SLC35H1: variants seen among roughly 807,000 people sequenced by gnomAD.
The protein encoded by SLC35H1 is ovarian cancer-overexpressed gene 1 protein.
the SLC35H1 span, chr20:46,358,402 G>A: frequency 3.1e-6 from 5 of 1,613,980 alleles, no homozygotes; most frequent in South Asian, 3.3e-5. Flanking sequence ...TCAGCCACTT[G>A]TTGTAGAAGG....
the SLC35H1 span, chr20:46,353,045 T>C: frequency 1.1e-4 from 17 of 152,260 alleles, no homozygotes; most frequent in African/African-American, 4.1e-4. Context: ...AGGGAACTCC[T>C]TGGTCTACAT....
the SLC35H1 span, among the ~76,000 whole-genome samples, chr20:46,360,000 G>A: frequency 6.6e-6 from 1 of 152,220 alleles, no homozygotes; most frequent in African/African-American, 2.4e-5. Flanking sequence ...TGTCTTCAGA[G>A]GAGCTTTGGA....
the SLC35H1 span, among the ~76,000 whole-genome samples, chr20:46,362,126 A>G: frequency 6.6e-6 from 1 of 152,228 alleles, no homozygotes; most frequent in Non-Finnish European, 1.5e-5. Context: ...ACAAAGCCAA[A>G]TCTCAGCTAG....
At chr20:46,346,442 G>A in the SLC35H1 span, 2 of 152,082 alleles carry the variant, frequency 1.3e-5, no homozygotes, top group African/African-American at 4.8e-5. Flanking sequence ...GTTAGAACCT[G>A]TAAAATCCCC....
chr20:46,358,972 A>G, the SLC35H1 span: 3 of 586,754 alleles, frequency 5.1e-6, no homozygotes, highest in Non-Finnish European at 9.2e-6. Context: ...TTAAAACACA[A>G]ACTGATCATG....
chr20:46,362,215 C>T, the SLC35H1 span, among the ~76,000 whole-genome samples: 10 of 152,122 alleles, frequency 6.6e-5, no homozygotes, highest in African/African-American at 1.2e-4. Flanking sequence ...GAGACACAGA[C>T]GTGAAACTGA....
the SLC35H1 span, chr20:46,350,880 G>C: frequency 6.2e-7 from 1 of 1,613,968 alleles, no homozygotes; most frequent in African/African-American, 1.3e-5. Context: ...CAACAGCAAA[G>C]TGCAGACTTC....
chr20:46,346,379 A>G, the SLC35H1 span: 1 of 152,238 alleles, frequency 6.6e-6, no homozygotes, highest in African/African-American at 2.4e-5. Flanking sequence ...GCTGGCAGGA[A>G]TGGGCGGTGG....
chr20:46,358,509 GTGGCGGC>G, the SLC35H1 span: 5 of 1,614,188 alleles, frequency 3.1e-6, no homozygotes, highest in Non-Finnish European at 2.5e-6. Flanking sequence ...CTCCCCATTC[GTGGCGGC>G]TGCAGCACCG....
the SLC35H1 span, chr20:46,358,694 A>C: frequency 1.9e-6 from 3 of 1,551,016 alleles, no homozygotes; most frequent in Non-Finnish European, 1.7e-6. Flanking sequence ...TCCTCACCTA[A>C]GGGGCTGGTG....
chr20:46,362,838 C>G, the SLC35H1 span, among the ~76,000 whole-genome samples: 1 of 152,214 alleles, frequency 6.6e-6, no homozygotes, highest in Non-Finnish European at 1.5e-5. Context: ...GTGATCTCGG[C>G]TCACCGCAAA....
At chr20:46,358,183 G>A in the SLC35H1 span, among the ~76,000 whole-genome samples, 6 of 152,208 alleles carry the variant, frequency 3.9e-5, no homozygotes, top group East Asian at 7.7e-4. Flanking sequence ...CACACCCCCC[G>A]CTCTCCTTGG....
At chr20:46,357,136 G>A in the SLC35H1 span, among the ~76,000 whole-genome samples, 1 of 152,190 alleles carries the variant, frequency 6.6e-6, no homozygotes, top group African/African-American at 2.4e-5. Flanking sequence ...GGCCACGAGG[G>A]CCCCTCCTCC....
the SLC35H1 span, chr20:46,356,619 T>C: frequency 1.9e-6 from 3 of 1,613,972 alleles, no homozygotes; most frequent in Non-Finnish European, 1.7e-6. Flanking sequence ...CAAGCCCACG[T>C]CAAGCGCCGT....
the SLC35H1 span, among the ~76,000 whole-genome samples, chr20:46,362,836 G>C: frequency 1.3e-5 from 2 of 152,296 alleles, no homozygotes; most frequent in East Asian, 3.9e-4. Context: ...GCGTGATCTC[G>C]GCTCACCGCA....
the SLC35H1 span, chr20:46,350,689 T>C: frequency 7.0e-7 from 1 of 1,418,974 alleles, no homozygotes; most frequent in Non-Finnish European, 9.4e-7. Context: ...GCACACTTCC[T>C]GCATCAGAAT....
At chr20:46,357,844 C>T in the SLC35H1 span, 6 of 1,559,006 alleles carry the variant, frequency 3.8e-6, no homozygotes, top group East Asian at 1.4e-4. Flanking sequence ...CCCTCTTCCT[C>T]TTCGCCCCTC....
chr20:46,355,327 A>G, the SLC35H1 span: 10 of 1,452,172 alleles, frequency 6.9e-6, no homozygotes, highest in Non-Finnish European at 9.3e-6. This position sits in a 1 kb window ranked among gnomAD's most constrained non-coding sequence, Gnocchi z 4.8. Context: ...GTCAGCAGCC[A>G]TCTTGGCTGC....
At chr20:46,351,288 C>G in the SLC35H1 span, among the ~76,000 whole-genome samples, 1 of 152,354 alleles carries the variant, frequency 6.6e-6, no homozygotes, top group East Asian at 1.9e-4. Context: ...CACAACTGGT[C>G]CCGGGGCTCT....
Sources: allele counts gnomAD v4.1 joint callset (sites outside exome capture counted in the v4.1 genomes callset), GRCh38; gene constraint gnomAD v4.1.1; non-coding constraint Gnocchi (gnomAD v3.1); transcripts MANE v1.5; gene names NCBI Gene and HGNC (gene_info 2026-07-23, HGNC 2026-07-21).